Variants in UGT2B10 observed in about 807,000 individuals in gnomAD.
UGT2B10 encodes the protein UDP glucuronosyltransferase family 2 member B10, also known as UDP-glucuronosyltransferase 2B10.
A neutral mutation model predicts 43.7 loss-of-function variants in UGT2B10; 51 were observed. That is an observed-to-expected ratio of 1.17 (90% CI 0.93 to 1.47). UGT2B10 has a LOEUF of 1.47. UGT2B10 is among the 40% of genes most tolerant of loss of function. The pLI, the probability that UGT2B10 is intolerant of heterozygous loss-of-function variation, is 0.00. For synonymous variants in UGT2B10, 225 were observed against 209.0 expected, an observed-to-expected ratio of 1.08 and a Z score of -0.66; for missense variants, 696 against 617.7, an observed-to-expected ratio of 1.13 and a Z score of -1.34.
At chr4:68,826,128 G>T (rs1190281278) in intron 3 of UGT2B10, among the ~76,000 whole-genome samples, 2 of 151,976 alleles carry the variant, frequency 1.3e-5, no homozygotes, top group African/African-American at 4.8e-5. Flanking sequence ...TTAGCCGCAG[G>T]TAGTTCTTCT....
chr4:68,828,595 C>T (rs574319760), intron 5 of UGT2B10, among the ~76,000 whole-genome samples: 124 of 151,848 alleles, frequency 8.2e-4, no homozygotes, highest in Non-Finnish European at 1.4e-3. Context: ...TTTCACTCAA[C>T]CTAAACAGAC....
intron 5 of UGT2B10, among the ~76,000 whole-genome samples, chr4:68,830,300 C>G (rs531770328): frequency 7.9e-4 from 119 of 150,494 alleles, no homozygotes; most frequent in Non-Finnish European, 1.3e-3. Flanking sequence ...TATGGACCCA[C>G]AAAAACTTAA....
chr4:68,818,321 T>C, intron 2 of UGT2B10, 144 bp downstream of exon 2: 2 of 1,394,604 alleles, frequency 1.4e-6, no homozygotes, highest in Non-Finnish European at 1.9e-6. Context: ...GAAACTCATG[T>C]ACATGTTAAT....
chr4:68,816,587 C>T lies in UGT2B10; in HGVS notation c.568C>T (p.Pro190Ser). Residue 190 changes from proline (P) to serine (S), a missense_variant, in exon 1 of 6, where the codon CCT (proline) becomes TCT (serine). Coordinates refer to ENST00000265403, the MANE Select transcript of UGT2B10 (RefSeq NM_001075.6). ...ERHSGGFIFPPSYVPVVMSKL... is the reference protein window; with the variant it reads ...ERHSGGFIFPSSYVPVVMSKL... ...GCACAGTGGAGGATTTATTTTCCCT[C>T]CTTCCTACGTACCTGTTGTTATGTC... 2 of 1,612,990 alleles carry T rather than the reference C, an allele frequency of 1.2e-6. No individual in the cohort carries two copies. The highest frequency in any genetic ancestry group is 1.7e-6 in the Non-Finnish European group (2 of 1,179,338).
rs1288522133 is a variant in UGT2B10, at chr4:68,831,157, G to C, written c.*278G>C. On this transcript the variant is annotated 3_prime_UTR_variant, in exon 6 of 6. Transcript: ENST00000265403. ...ATTTGTTGCACTTATATTGAAATGT[G>C]ATCATGGCTCACTTCAGCCTCAACT... 1.9e-5 allele frequency: 7 copies of C among 377,516 alleles called. No homozygotes were observed. In the East Asian group the frequency reaches 2.3e-4, roughly 12 times the overall value. The allele number at this position is 377,516 out of a possible 1,614,324, so 23.4% of individuals were successfully genotyped here. A position where few individuals can be genotyped will look rare whatever the true frequency, so the allele number is the denominator to read the frequency against.
intron 5 of UGT2B10, among the ~76,000 whole-genome samples, chr4:68,829,262 A>T (rs1400640911): frequency 6.6e-6 from 1 of 152,082 alleles, no homozygotes; most frequent in African/African-American, 2.4e-5. Context: ...AATTACATAA[A>T]CAAGCAAAGC....
chr4:68,827,575 A>T, intron 5 of UGT2B10, 27 bp downstream of exon 5: 1 of 1,612,460 alleles, frequency 6.2e-7, no homozygotes, highest in Non-Finnish European at 8.5e-7. Context: ...TTTTCACTAG[A>T]TGGTATTAAT....
intron 1 of UGT2B10, 131 bp from the exon 2 acceptor site, chr4:68,817,898 A>G: frequency 9.6e-7 from 1 of 1,040,290 alleles, no homozygotes; most frequent in South Asian, 1.9e-5. Flanking sequence ...ATATATGAAT[A>G]TATGTACATA....
At chr4:68,829,769 T>C (rs1737992851) in intron 5 of UGT2B10, among the ~76,000 whole-genome samples, 1 of 152,024 alleles carries the variant, frequency 6.6e-6, no homozygotes, top group Non-Finnish European at 1.5e-5. Context: ...AGAAAAATAG[T>C]AGGCCAATCT....
chr4:68,818,464 G>T (rs1737332787), intron 2 of UGT2B10, among the ~76,000 whole-genome samples: 1 of 151,628 alleles, frequency 6.6e-6, no homozygotes, highest in Non-Finnish European at 1.5e-5. Context: ...TTCATTCAAA[G>T]AATATTTACA....
At chr4:68,826,084 T>A (rs1441338076) in intron 3 of UGT2B10, among the ~76,000 whole-genome samples, 2 of 152,126 alleles carry the variant, frequency 1.3e-5, no homozygotes, top group African/African-American at 4.8e-5. Context: ...ATTTCTCTAA[T>A]GATGTGTGAT....
At chr4:68,825,140 A>G (rs1454520848) in intron 3 of UGT2B10, among the ~76,000 whole-genome samples, 2 of 152,068 alleles carry the variant, frequency 1.3e-5, no homozygotes, top group Non-Finnish European at 1.5e-5. Flanking sequence ...TATTGAAACT[A>G]CTCATATTAC....
chr4:68,822,182 C>T, intron 2 of UGT2B10, 89 bp from the exon 3 acceptor site: 2 of 1,532,860 alleles, frequency 1.3e-6, no homozygotes, highest in Non-Finnish European at 1.8e-6. Flanking sequence ...ACTTGATTTT[C>T]TCTCTTTAAT....
chr4:68,819,849 A>G (rs1737405619), intron 2 of UGT2B10, among the ~76,000 whole-genome samples: 1 of 152,060 alleles, frequency 6.6e-6, no homozygotes, highest in Non-Finnish European at 1.5e-5. Flanking sequence ...TTTAATTAAC[A>G]TCACATTTTA....
chr4:68,816,706 GA>G lies in UGT2B10; in HGVS notation c.689del (p.Lys230SerfsTer10). On this transcript the variant is annotated frameshift_variant, in exon 1 of 6. Coordinates refer to ENST00000265403, the MANE Select transcript of UGT2B10 (RefSeq NM_001075.6). LOFTEE classifies it high-confidence loss of function. The stretch of plus-strand genomic sequence containing the variant: ...TTTGGTTCCAAATATTTAATATGAA[GA>G]AGTGGGATCAGTTTTACAGTGAAGT... ...DFWFQIFNMKKWDQFYSEVLG... is the reference protein window; with the variant it reads ...DFWFQIFNMKXWDQFYSEVLG... 1 of 1,610,144 alleles carries G rather than the reference GA, an allele frequency of 6.2e-7. No homozygotes were observed. Among genetic ancestry groups the G allele is most frequent in the Non-Finnish European group, 8.5e-7 (1 of 1,178,030 alleles).
At position 68,826,479 on chromosome 4, in the gene UGT2B10, C is replaced by A. The variant is rs1269682923; in HGVS notation, c.1069C>A (p.Pro357Thr). 2 of 1,612,212 alleles carry A rather than the reference C, an allele frequency of 1.2e-6. No individual in the cohort carries two copies. The highest frequency in any genetic ancestry group is 2.2e-5 in the East Asian group (1 of 44,726). Residue 357 changes from proline to threonine, a missense_variant, in exon 4 of 6, where the codon CCC becomes ACC. By Grantham distance (38) the Pro-to-Thr change is conservative. Transcript: ENST00000265403. The stretch of plus-strand genomic sequence containing the variant: ...CAATACTCGACTGTACAAGTGGATA[C>A]CCCAGAATGACCTTCTAGGTAACAC... ...GLNTRLYKWI[P>T]QNDLLGHPKT...
At chr4:68,825,981 T>C (rs950589842) in intron 3 of UGT2B10, among the ~76,000 whole-genome samples, 16 of 152,064 alleles carry the variant, frequency 1.1e-4, no homozygotes, top group African/African-American at 3.6e-4. Flanking sequence ...TCCTTTTCTA[T>C]ACAACCTCGC....
Position 68,827,479 on chromosome 4 carries a change from G to A in UGT2B10, c.1238G>A (p.Arg413Lys). Residue 413 changes from arginine to lysine, a missense_variant, in exon 5 of 6, where the codon AGA (arginine) becomes AAA (lysine). Arg to Lys is a conservative substitution (Grantham distance 26). Transcript: ENST00000265403. The stretch of plus-strand genomic sequence containing the variant: ...ATGAAGGCCAAGGGAGCAGCTGTTA[G>A]AGTGGACTTCAACACAATGTCGAGT... ...AHMKAKGAAV[R>K]VDFNTMSSTD... 5.6e-6 allele frequency: 9 copies of A among 1,613,514 alleles called. No individual in the cohort carries two copies. The highest frequency in any genetic ancestry group is 6.8e-6 in the Non-Finnish European group (8 of 1,179,600).
intron 5 of UGT2B10, among the ~76,000 whole-genome samples, chr4:68,829,491 G>A (rs1351351106): frequency 3.3e-5 from 5 of 151,956 alleles, no homozygotes; most frequent in African/African-American, 1.2e-4. Flanking sequence ...TTTGTATTTT[G>A]TATTTAAATA....
Sources: allele counts gnomAD v4.1 joint callset (sites outside exome capture counted in the v4.1 genomes callset), GRCh38; gene constraint gnomAD v4.1.1; transcripts MANE v1.5; gene names NCBI Gene and HGNC (gene_info 2026-07-23, HGNC 2026-07-21).